Variants in PPP1R36 observed in about 807,000 individuals in gnomAD.
PPP1R36 encodes the protein chromosome 14 open reading frame 50.
A neutral mutation model predicts 53.4 loss-of-function variants in PPP1R36; 47 were observed. The observed-to-expected ratio is 0.88, with a 90% CI of 0.70 to 1.12. The LOEUF is 1.12. Ranked by LOEUF, PPP1R36 falls within the 50% of genes most tolerant of loss-of-function variation. PPP1R36 has a pLI of 0.00. For missense variants in PPP1R36, 456 were observed against 513.9 expected, an observed-to-expected ratio of 0.89 and a Z score of 1.09; for synonymous variants, 153 against 170.5, an observed-to-expected ratio of 0.90 and a Z score of 0.80.
intron 8 of PPP1R36, 72 bp downstream of exon 8, chr14:64,574,661 G>C: frequency 6.7e-7 from 1 of 1,487,764 alleles, no homozygotes; most frequent in East Asian, 2.3e-5. Context: ...GCTTCCGTTT[G>C]ACTTTTGTTA....
At position 64,575,987 on chromosome 14, in the gene PPP1R36, A is replaced by G. The variant is rs1596740978; in HGVS notation, c.668+1398A>G. On this transcript the variant is annotated intron_variant, in intron 8 of 11. Coordinates refer to ENST00000298705, the MANE Select transcript of PPP1R36 (RefSeq NM_172365.3). ...TTTTGTATTACCATCAGCAGTAAGT[A>G]TATCTGGTTGCATTGGGTTTTATTA... is the stretch of plus-strand genomic sequence containing the variant. 2.6e-5 allele frequency among the ~76,000 whole-genome samples: 4 copies of G among 151,552 alleles called. No homozygotes were observed. In the South Asian group the frequency reaches 6.2e-4, roughly 24 times the overall value.
intron 1 of PPP1R36, 32 bp from the exon 2 acceptor site, chr14:64,550,885 TTTAA>T (rs1324333858): frequency 1.3e-5 from 19 of 1,519,846 alleles, no homozygotes; most frequent in Non-Finnish European, 1.7e-5. Context: ...AAATTGAGCT[TTTAA>T]TTATTTTTGC....
At chr14:64,574,405 G>A (rs1194249584) in intron 7 of PPP1R36, 50 bp from the exon 8 acceptor site, 2 of 1,549,684 alleles carry the variant, frequency 1.3e-6, no homozygotes, top group South Asian at 2.4e-5. Flanking sequence ...GTTAATATAG[G>A]CACTTATGAC....
At chr14:64,574,360 AAAG>A in intron 7 of PPP1R36, 92 bp from the exon 8 acceptor site, 1 of 1,295,220 alleles carries the variant, frequency 7.7e-7, no homozygotes, top group Non-Finnish European at 1.1e-6. Flanking sequence ...GTCTTAAAGA[AAAG>A]AAGAAAAGTT....
chr14:64,580,310 A>T lies in PPP1R36; in HGVS notation c.668+5721A>T, dbSNP rs181921465. ...CAGAACAACACCCTGCCTCAAAAAA[A>T]TTTTTTTTAAATTTCTCATACTTAA... On this transcript the variant is annotated intron_variant, in intron 8 of 11. Coordinates refer to ENST00000298705, the MANE Select transcript of PPP1R36 (RefSeq NM_172365.3). 8.2e-3 allele frequency among the ~76,000 whole-genome samples: 1,254 copies of T among 152,228 alleles called. 12 individuals carry two copies. Among genetic ancestry groups the T allele is most frequent in the African/African-American group, 0.029 (1,198 of 41,536 alleles).
intron 1 of PPP1R36, 112 bp downstream of exon 1, chr14:64,550,178 G>A: frequency 6.9e-7 from 1 of 1,457,018 alleles, no homozygotes; most frequent in Non-Finnish European, 9.1e-7. Context: ...CGTCGCCTTC[G>A]CCCCGGGCTG....
rs2080293582 is a variant in PPP1R36, at chr14:64,570,428, G to A, written c.533+1981G>A. On this transcript the variant is annotated intron_variant, in intron 7 of 11. Coordinates refer to ENST00000298705, the MANE Select transcript of PPP1R36 (RefSeq NM_172365.3). Reference sequence around the variant, plus strand: ...ACCTGGGAGGCAGAGGTTGCAGTGAGCCGAGATGGCACCATTGCACTCCAG... The same window carrying A: ...ACCTGGGAGGCAGAGGTTGCAGTGAACCGAGATGGCACCATTGCACTCCAG... Among the ~76,000 whole-genome samples the A allele has an allele frequency of 2.6e-5, 4 of 152,116 alleles. No homozygotes were observed. The South Asian group carries it at 8.3e-4, about 32-fold the overall frequency.
At chr14:64,579,921 G>T (rs2080374135) in intron 8 of PPP1R36, among the ~76,000 whole-genome samples, 1 of 152,146 alleles carries the variant, frequency 6.6e-6, no homozygotes, top group Admixed American at 6.5e-5. Context: ...AGTGAGCTGA[G>T]ATCGCGCCAC....
chr14:64,587,075 A>C (rs939308993), intron 9 of PPP1R36, 119 bp from the exon 10 acceptor site: 1 of 881,376 alleles, frequency 1.1e-6, no homozygotes, highest in Non-Finnish European at 1.7e-6. Context: ...TCATTGTTTC[A>C]GGAATATTGG....
In PPP1R36 at chr14:64,564,763, A is replaced by T; in HGVS notation, c.195A>T (p.Ala65=). 6.2e-7 allele frequency: 1 copy of T among 1,610,830 alleles called. No individual in the cohort carries two copies. The highest frequency in any genetic ancestry group is 2.2e-5 in the East Asian group (1 of 44,644). ...ATTTTTATTGCAGTTTTACACCTGC[A>T]GCAGAAGTCAAGGAAAAAGGAAAGA... ...LLKHHPHFTP[A]AEVKEKGKKG... The change falls in exon 4 of 12, where the codon GCA becomes GCT. Residue 65 remains alanine (A), a synonymous_variant. Coordinates refer to ENST00000298705, the MANE Select transcript of PPP1R36 (RefSeq NM_172365.3).
chr14:64,579,887 G>A (rs1275634727), intron 8 of PPP1R36, among the ~76,000 whole-genome samples: 3 of 152,114 alleles, frequency 2.0e-5, no homozygotes, highest in South Asian at 2.1e-4. Flanking sequence ...GGAGAATAGC[G>A]TGAACCTGGG....
intron 1 of PPP1R36, 39 bp from the exon 2 acceptor site, chr14:64,550,882 G>C (rs1303064586): frequency 2.7e-6 from 4 of 1,475,086 alleles, no homozygotes; most frequent in Middle Eastern, 1.7e-4. Context: ...TGTAAATTGA[G>C]CTTTTAATTA....
chr14:64,575,186 A>AGTT (rs1173019640), intron 8 of PPP1R36, among the ~76,000 whole-genome samples: 2 of 152,294 alleles, frequency 1.3e-5, no homozygotes, highest in East Asian at 3.9e-4. Flanking sequence ...CAGGCCCCAG[A>AGTT]TCTACCTCAT....
intron 8 of PPP1R36, among the ~76,000 whole-genome samples, chr14:64,578,876 C>T (rs2080364424): frequency 1.3e-5 from 2 of 152,294 alleles, no homozygotes; most frequent in Admixed American, 6.5e-5. Context: ...AACAGTGACA[C>T]ACTGGATAAA....
chr14:64,568,543 T>C, intron 7 of PPP1R36, 96 bp downstream of exon 7: 1 of 550,470 alleles, frequency 1.8e-6, no homozygotes, highest in Non-Finnish European at 3.1e-6. Context: ...AATTTTTAAA[T>C]CTTTGAGATG....
intron 8 of PPP1R36, among the ~76,000 whole-genome samples, chr14:64,580,234 G>A (rs570486981): frequency 1.3e-5 from 2 of 152,178 alleles, no homozygotes; most frequent in Non-Finnish European, 2.9e-5. Context: ...CAGGGAGGTT[G>A]AGGCTGCAAT....
intron 8 of PPP1R36, among the ~76,000 whole-genome samples, chr14:64,583,742 A>G (rs1305751288): frequency 2.2e-5 from 3 of 134,354 alleles, no homozygotes; most frequent in Non-Finnish European, 4.8e-5. Flanking sequence ...TGAACCCGGG[A>G]GGCAGAGGTT....
chr14:64,580,012 G>T (rs2080375723), intron 8 of PPP1R36, among the ~76,000 whole-genome samples: 1 of 148,372 alleles, frequency 6.7e-6, no homozygotes, highest in Non-Finnish European at 1.5e-5. Context: ...CTTAAGAAAT[G>T]ATTTTGGCCA....
At chr14:64,550,223 G>C in intron 1 of PPP1R36, 157 bp downstream of exon 1, 4 of 1,191,512 alleles carry the variant, frequency 3.4e-6, no homozygotes, top group Non-Finnish European at 1.1e-6. Flanking sequence ...TATTTGCCTA[G>C]AAAAAAAAAA....
Sources: gnomAD v4.1 joint callset for allele counts (sites outside exome capture counted in the v4.1 genomes callset) on GRCh38, gnomAD v4.1.1 for gene constraint, MANE v1.5 for transcripts, NCBI Gene and HGNC (gene_info 2026-07-23, HGNC 2026-07-21) for gene names.